Variants in HS6ST2 observed in about 807,000 individuals in gnomAD.
The protein encoded by HS6ST2 is heparan-sulfate 6-O-sulfotransferase 2.
A neutral mutation model predicts 33.0 loss-of-function variants in HS6ST2; 17 were observed. The observed-to-expected ratio is 0.52, with a 90% CI of 0.35 to 0.77. The LOEUF (loss-of-function observed/expected upper bound fraction) is 0.77, where lower values mean the gene tolerates loss of function less well. Ranked by LOEUF, HS6ST2 falls within the 30% of genes least tolerant of loss-of-function variation. The pLI is 0.01. For synonymous variants in HS6ST2, 248 were observed against 237.1 expected, an observed-to-expected ratio of 1.05 and a Z score of -0.42; for missense variants, 519 against 551.7, an observed-to-expected ratio of 0.94 and a Z score of 0.59.
chrX:132,940,627 T>C (rs1313624809), intron 2 of HS6ST2, among the ~76,000 whole-genome samples: 2 of 112,025 alleles, frequency 1.8e-5, no homozygotes, highest in African/African-American at 3.2e-5. Context: ...ACAACCTGTA[T>C]AGATATTTCT....
At chrX:132,820,945 C>T (rs5933204) in intron 2 of HS6ST2, among the ~76,000 whole-genome samples, 39,997 of 108,955 alleles carry the variant, frequency 0.37, 5,908 homozygotes, top group African/African-American at 0.51. Context: ...TCAGTGTCAC[C>T]GCAAGGAGGA....
At chrX:132,801,820 C>T (rs774143886) in intron 2 of HS6ST2, among the ~76,000 whole-genome samples, 1 of 112,364 alleles carries the variant, frequency 8.9e-6, no homozygotes, top group Non-Finnish European at 1.9e-5. Flanking sequence ...ATGAAACCAT[C>T]TTCCCAAGTA....
At chrX:132,795,372 T>A (rs1451085920) in intron 2 of HS6ST2, among the ~76,000 whole-genome samples, 1 of 111,598 alleles carries the variant, frequency 9.0e-6, no homozygotes, top group African/African-American at 3.3e-5. Context: ...CTTACCATTC[T>A]TTGACTGTGC....
intron 2 of HS6ST2, among the ~76,000 whole-genome samples, chrX:132,825,892 T>G (rs1452622377): frequency 5.3e-5 from 6 of 112,177 alleles, no homozygotes; most frequent in Admixed American, 4.7e-4. Context: ...AATGCTTCTG[T>G]AGATGTGTTC....
chrX:132,788,105 A>G (rs1181104876), intron 2 of HS6ST2, among the ~76,000 whole-genome samples: 1 of 111,372 alleles, frequency 9.0e-6, no homozygotes, highest in East Asian at 2.8e-4. Flanking sequence ...ATATTCAGAA[A>G]GTAGAGACAA....
chrX:132,690,251 A>AAAAC (rs1275062139), intron 3 of HS6ST2, among the ~76,000 whole-genome samples: 2 of 112,508 alleles, frequency 1.8e-5, no homozygotes, highest in Non-Finnish European at 3.8e-5. Flanking sequence ...GGCCATACCA[A>AAAAC]AAACAAACAA....
intron 2 of HS6ST2, among the ~76,000 whole-genome samples, chrX:132,777,299 A>G (rs2064970467): frequency 9.1e-6 from 1 of 109,321 alleles, no homozygotes; most frequent in Non-Finnish European, 1.9e-5. Flanking sequence ...CTACAATAGC[A>G]TCCCTCGATA....
At chrX:132,722,718 TA>T (rs1400268675) in intron 2 of HS6ST2, among the ~76,000 whole-genome samples, 6 of 111,218 alleles carry the variant, frequency 5.4e-5, no homozygotes, top group Non-Finnish European at 7.5e-5. Context: ...CCATTAGGTT[TA>T]GGTCCCAATT....
intron 2 of HS6ST2, among the ~76,000 whole-genome samples, chrX:132,720,083 C>T (rs779943882): frequency 8.9e-6 from 1 of 112,527 alleles, no homozygotes; most frequent in African/African-American, 3.2e-5. Flanking sequence ...CCACACACAG[C>T]CCCACCATGG....
At chrX:132,850,874 G>A (rs1220884863) in intron 2 of HS6ST2, among the ~76,000 whole-genome samples, 1 of 111,337 alleles carries the variant, frequency 9.0e-6, no homozygotes, top group Non-Finnish European at 1.9e-5. Flanking sequence ...AACTTCTCAA[G>A]CACTAGATGT....
rs1443065917 is a variant in HS6ST2 at position 132,668,414 on chromosome X, T to A, written c.1067+699A>T. 3 of 110,770 alleles carry A rather than the reference T, an allele frequency of 2.7e-5. No homozygotes were observed. The Admixed American group carries it at 2.9e-4, about 11-fold the overall frequency. The allele number at this position is 110,770 out of a possible 1,213,427, so 9.1% of individuals were successfully genotyped here. ...AAGGGGAAGTGTCTAATTAGAGGTA[T>A]GTCATCTGCGTGGGATCACACTGCC... On this transcript the variant is annotated intron_variant, in intron 4 of 4. Coordinates refer to ENST00000370833, the MANE Select transcript of HS6ST2 (RefSeq NM_001394073.1).
chrX:132,762,066 G>A (rs1408525198), intron 2 of HS6ST2, among the ~76,000 whole-genome samples: 1 of 111,990 alleles, frequency 8.9e-6, no homozygotes, highest in Non-Finnish European at 1.9e-5. Context: ...TTACTGATAT[G>A]AAATAATTCA....
At chrX:132,959,983 C>T (rs760969055), upstream of HS6ST2, among the ~76,000 whole-genome samples, 7 of 112,205 alleles carry the variant, frequency 6.2e-5, no homozygotes, top group Non-Finnish European at 1.1e-4. Flanking sequence ...CCCAAACCTA[C>T]TGGGGACCGT....
At chrX:132,630,126 G>A (rs1476752618) in intron 4 of HS6ST2, among the ~76,000 whole-genome samples, 2 of 112,169 alleles carry the variant, frequency 1.8e-5, no homozygotes, top group African/African-American at 6.5e-5. Flanking sequence ...GGAGAGAACC[G>A]TGTCATTGTG....
At chrX:132,864,159 C>T (rs1052196672) in intron 2 of HS6ST2, among the ~76,000 whole-genome samples, 6 of 110,255 alleles carry the variant, frequency 5.4e-5, no homozygotes, top group Non-Finnish European at 1.1e-4. Context: ...CATCACAAAA[C>T]GGCTGAAAAT....
chrX:132,688,405 A>G (rs983928633), intron 3 of HS6ST2, among the ~76,000 whole-genome samples: 12 of 112,384 alleles, frequency 1.1e-4, no homozygotes, highest in African/African-American at 3.6e-4. Flanking sequence ...GCTGCTAATA[A>G]AGACATACCC....
At chrX:132,927,521 A>G (rs1037080485) in intron 2 of HS6ST2, among the ~76,000 whole-genome samples, 6 of 111,999 alleles carry the variant, frequency 5.4e-5, no homozygotes, top group African/African-American at 9.7e-5. Context: ...ATTCTAGCCC[A>G]TAAGTACAAG....
At chrX:132,825,328 C>T (rs1294552004) in intron 2 of HS6ST2, among the ~76,000 whole-genome samples, 1 of 111,646 alleles carries the variant, frequency 9.0e-6, no homozygotes, top group East Asian at 2.8e-4. Flanking sequence ...CTTTCAGGGG[C>T]ATCATGCTAA....
At chrX:132,853,352 TC>T (rs1462344204) in intron 2 of HS6ST2, among the ~76,000 whole-genome samples, 2 of 105,563 alleles carry the variant, frequency 1.9e-5, no homozygotes, top group Non-Finnish European at 3.9e-5. Flanking sequence ...AGAGATGGTC[TC>T]TTGCTTTGTT....
Sources: allele counts gnomAD v4.1 joint callset (sites outside exome capture counted in the v4.1 genomes callset), GRCh38; gene constraint gnomAD v4.1.1; transcripts MANE v1.5; gene names NCBI Gene and HGNC (gene_info 2026-07-23, HGNC 2026-07-21).